ZNF503: variants seen among roughly 807,000 people sequenced by gnomAD.
ZNF503 encodes the protein zinc finger protein 503.
Under a neutral mutation model 34.4 loss-of-function variants are expected in ZNF503, and 15 were observed. The ratio of observed to expected loss-of-function variants is 0.44; its 90% CI spans 0.29 to 0.67. ZNF503 has a LOEUF of 0.67. Ranked by LOEUF, ZNF503 falls within the 30% of genes least tolerant of loss-of-function variation. ZNF503 has a pLI of 0.13. For synonymous variants in ZNF503, 580 were observed against 456.8 expected, an observed-to-expected ratio of 1.27 and a Z score of -3.44; for missense variants, 1,007 against 926.8, an observed-to-expected ratio of 1.09 and a Z score of -1.12.
the ZNF503 span, among the ~76,000 whole-genome samples, chr10:75,374,043 G>C: frequency 6.6e-6 from 1 of 152,224 alleles, no homozygotes; most frequent in Non-Finnish European, 1.5e-5. Context: ...GGCAGGCACG[G>C]TGGCTCACGT....
At chr10:75,316,109 C>A in the ZNF503 span, among the ~76,000 whole-genome samples, 1 of 152,130 alleles carries the variant, frequency 6.6e-6, no homozygotes, top group Non-Finnish European at 1.5e-5. Flanking sequence ...AAACAGACAG[C>A]AACACAATAT....
At chr10:75,384,207 C>T in the ZNF503 span, among the ~76,000 whole-genome samples, 2 of 151,994 alleles carry the variant, frequency 1.3e-5, no homozygotes, top group African/African-American at 4.8e-5. Context: ...CCCTGGATTC[C>T]AGCCCCCCTC....
the ZNF503 span, among the ~76,000 whole-genome samples, chr10:75,322,430 A>G: frequency 2.6e-5 from 4 of 152,014 alleles, no homozygotes; most frequent in Admixed American, 6.6e-5. Flanking sequence ...CCCACTGCCA[A>G]TTTTTTATGC....
At chr10:75,389,098 C>A in the ZNF503 span, among the ~76,000 whole-genome samples, 1 of 152,274 alleles carries the variant, frequency 6.6e-6, no homozygotes, top group African/African-American at 2.4e-5. Context: ...TGCCTAATTG[C>A]CCCAGAAGGG....
chr10:75,294,962 C>A, the ZNF503 span, among the ~76,000 whole-genome samples: 1 of 152,096 alleles, frequency 6.6e-6, no homozygotes, highest in African/African-American at 2.4e-5. Context: ...CTGTCAGCAC[C>A]GCGGACCCAG....
At chr10:75,348,678 A>AT in the ZNF503 span, among the ~76,000 whole-genome samples, 1 of 150,700 alleles carries the variant, frequency 6.6e-6, no homozygotes, top group East Asian at 2.0e-4. Flanking sequence ...CGCCCGGCTA[A>AT]TTTTTTTGTA....
chr10:75,313,821 G>T, the ZNF503 span, among the ~76,000 whole-genome samples: 27 of 152,314 alleles, frequency 1.8e-4, no homozygotes, highest in Admixed American at 4.6e-4. Context: ...CTGACCTAAG[G>T]AAAACAAAAG....
chr10:75,288,816 T>A, the ZNF503 span: 3 of 152,218 alleles, frequency 2.0e-5, no homozygotes, highest in Admixed American at 2.0e-4. Context: ...GAACAAAAAG[T>A]ATTTTTCCCT....
At chr10:75,352,044 G>C in the ZNF503 span, among the ~76,000 whole-genome samples, 1 of 141,166 alleles carries the variant, frequency 7.1e-6, no homozygotes, top group Non-Finnish European at 1.6e-5. Flanking sequence ...CCATTGCTCT[G>C]TGTGGATTAG....
the ZNF503 span, among the ~76,000 whole-genome samples, chr10:75,287,347 A>G: frequency 6.6e-6 from 1 of 152,002 alleles, no homozygotes; most frequent in Non-Finnish European, 1.5e-5. Flanking sequence ...ACACAAGCAC[A>G]CTATGTTCTC....
In ZNF503 at chr10:75,399,835, G is replaced by T. The variant is rs1291969160; in HGVS notation, c.855C>A (p.Ser285Arg). ...CATCCACATTAATCCCGCCGCCGCA[G>T]CTAATCCGGCCGTGTGCCAGCCCCG... ...GPTGLAHGRI[S>R]CGGGINVDVN... The change falls in exon 2 of 2, where the codon AGC becomes AGA. Residue 285 changes from serine to arginine, a missense_variant. Coordinates refer to ENST00000372524, the MANE Select transcript of ZNF503 (RefSeq NM_032772.6). The T allele has an allele frequency of 6.2e-7, 1 of 1,604,326 alleles. No individual in the cohort carries two copies. The highest frequency in any genetic ancestry group is 8.5e-7 in the Non-Finnish European group (1 of 1,176,934).
At chr10:75,390,720 C>T in the ZNF503 span, among the ~76,000 whole-genome samples, 22 of 152,208 alleles carry the variant, frequency 1.4e-4, no homozygotes, top group South Asian at 6.2e-4. Flanking sequence ...TCGTGGGGTG[C>T]GGGGGAGTCT....
chr10:75,361,482 G>C, the ZNF503 span: 1 of 151,728 alleles, frequency 6.6e-6, no homozygotes, highest in African/African-American at 2.4e-5. Flanking sequence ...GCTCTCTGAG[G>C]GAAGAGCCAA....
At chr10:75,332,283 T>C in the ZNF503 span, among the ~76,000 whole-genome samples, 9 of 152,100 alleles carry the variant, frequency 5.9e-5, no homozygotes, top group Non-Finnish European at 8.8e-5. Flanking sequence ...ACATATGTTA[T>C]GCCTTTTCAC....
the ZNF503 span, among the ~76,000 whole-genome samples, chr10:75,282,416 A>T: frequency 1.3e-5 from 2 of 152,242 alleles, no homozygotes; most frequent in Non-Finnish European, 2.9e-5. Flanking sequence ...ACCAAAATGC[A>T]AGAAGTTAGA....
chr10:75,338,006 G>A, the ZNF503 span, among the ~76,000 whole-genome samples: 1 of 152,200 alleles, frequency 6.6e-6, no homozygotes, highest in Non-Finnish European at 1.5e-5. Context: ...TCCAAGGTCC[G>A]TGGAAGTTTA....
chr10:75,400,248 C>G lies in ZNF503; in HGVS notation c.442G>C (p.Gly148Arg), dbSNP rs986810449. Residue 148 changes from glycine (G) to arginine (R), a missense_variant, in exon 2 of 2, where the codon GGC (glycine) becomes CGC (arginine). By Grantham distance (125) the Gly-to-Arg change is moderately radical. Coordinates refer to ENST00000372524, the MANE Select transcript of ZNF503 (RefSeq NM_032772.6). ...TCCTTGTCGCCCGCAGCACCGCCGC[C>G]GGCACCGCCCGCGCCGCCCCCGTTG... Reference protein sequence around the residue: ...ASNGGGAGGAGGGAAGDKDTK... With the variant: ...ASNGGGAGGARGGAAGDKDTK... 6.2e-7 allele frequency: 1 copy of G among 1,612,018 alleles called. No individual in the cohort carries two copies. The highest frequency in any genetic ancestry group is 1.3e-5 in the African/African-American group (1 of 74,772).
the ZNF503 span, among the ~76,000 whole-genome samples, chr10:75,300,379 C>CACACAT: frequency 1.3e-5 from 2 of 152,066 alleles, no homozygotes; most frequent in Non-Finnish European, 2.9e-5. Context: ...GTGCAGTTAA[C>CACACAT]GCAATCATCA....
the ZNF503 span, among the ~76,000 whole-genome samples, chr10:75,321,306 T>C: frequency 6.6e-6 from 1 of 152,286 alleles, no homozygotes; most frequent in East Asian, 1.9e-4. Context: ...ACACCCAGTC[T>C]CAGGTATTTT....
Sources: allele counts gnomAD v4.1 joint callset (sites outside exome capture counted in the v4.1 genomes callset), GRCh38; gene constraint gnomAD v4.1.1; transcripts MANE v1.5; gene names NCBI Gene and HGNC (gene_info 2026-07-23, HGNC 2026-07-21).